The following FUT8 variants were observed in gnomAD, a reference collection of about 807,000 sequenced individuals.
FUT8 encodes alpha-(1,6)-fucosyltransferase.
FUT8 carries 29 observed loss-of-function variants against 71.3 expected under a neutral mutation model. The observed-to-expected ratio is 0.41, with a 90% CI of 0.30 to 0.55. The LOEUF is 0.55. Among genes scored for constraint, FUT8 ranks in the 20% least tolerant of loss-of-function variants. The pLI is 0.34. For synonymous variants in FUT8, 254 were observed against 239.3 expected (o/e 1.06, Z -0.57); for missense variants, 544 against 702.1 (o/e 0.77, Z 2.55).
At chr14:65,419,291 C>T (rs566809259) in intron 1 of FUT8, among the ~76,000 whole-genome samples, 1 of 151,962 alleles carries the variant, frequency 6.6e-6, no homozygotes, top group African/African-American at 2.4e-5. Context: ...AAAACAAAAA[C>T]AAATTCTAAC....
chr14:65,416,146 G>A (rs2139361449), intron 1 of FUT8, among the ~76,000 whole-genome samples: 1 of 151,952 alleles, frequency 6.6e-6, no homozygotes, highest in African/African-American at 2.4e-5. Flanking sequence ...TCTTGATTTA[G>A]TTAAATGGTG....
intron 6 of FUT8, among the ~76,000 whole-genome samples, chr14:65,649,738 A>G (rs1219857214): frequency 6.6e-6 from 1 of 152,252 alleles, no homozygotes; most frequent in Non-Finnish European, 1.5e-5. Context: ...TTAAATAAAA[A>G]GATATAATGA....
At chr14:65,503,911 C>T (rs1007190596) in intron 2 of FUT8, among the ~76,000 whole-genome samples, 1 of 152,164 alleles carries the variant, frequency 6.6e-6, no homozygotes, top group Non-Finnish European at 1.5e-5. Context: ...CATATGGAGA[C>T]CTTTGCGTGA....
At chr14:65,506,141 G>A (rs2066730297) in intron 2 of FUT8, among the ~76,000 whole-genome samples, 1 of 152,158 alleles carries the variant, frequency 6.6e-6, no homozygotes, top group South Asian at 2.1e-4. Flanking sequence ...TGCTTGCTAA[G>A]TTTGGAGGCT....
intron 2 of FUT8, among the ~76,000 whole-genome samples, chr14:65,555,057 G>A (rs569856742): frequency 3.0e-4 from 45 of 152,104 alleles, no homozygotes; most frequent in African/African-American, 9.4e-4. Context: ...GCCAAATCTG[G>A]TCCACAGCCC....
intron 7 of FUT8, among the ~76,000 whole-genome samples, chr14:65,706,905 G>A (rs996041912): frequency 2.6e-5 from 4 of 152,056 alleles, no homozygotes; most frequent in Non-Finnish European, 4.4e-5. Context: ...CATGTTGAAC[G>A]GGGCTAGTTT....
chr14:65,703,127 A>C (rs1894391617), intron 7 of FUT8, among the ~76,000 whole-genome samples: 1 of 152,240 alleles, frequency 6.6e-6, no homozygotes, highest in South Asian at 2.1e-4. Context: ...AGTTCTAAAG[A>C]AAGTTGTCAT....
chr14:65,609,906 T>G (rs1370129215), intron 3 of FUT8, among the ~76,000 whole-genome samples: 1 of 151,938 alleles, frequency 6.6e-6, no homozygotes, highest in Non-Finnish European at 1.5e-5. Context: ...GTTTTATAAT[T>G]TTAAATTTAT....
intron 3 of FUT8, among the ~76,000 whole-genome samples, chr14:65,614,709 T>G (rs904662189): frequency 1.3e-5 from 2 of 152,250 alleles, no homozygotes; most frequent in Non-Finnish European, 2.9e-5. Flanking sequence ...TAAAATCTTC[T>G]TCTACCTTCC....
At chr14:65,662,551 C>T (rs563680288) in intron 6 of FUT8, among the ~76,000 whole-genome samples, 7 of 152,118 alleles carry the variant, frequency 4.6e-5, no homozygotes, top group Non-Finnish European at 1.0e-4. Context: ...TATAAAGACT[C>T]GTGATTGAGC....
At chr14:65,482,567 T>G (rs2066347858) in intron 2 of FUT8, among the ~76,000 whole-genome samples, 1 of 152,202 alleles carries the variant, frequency 6.6e-6, no homozygotes, top group Admixed American at 6.5e-5. Flanking sequence ...GGATATTGTT[T>G]CTGTGCTGTG....
At chr14:65,740,163 A>G (rs928896462) in intron 10 of FUT8, among the ~76,000 whole-genome samples, 5 of 151,980 alleles carry the variant, frequency 3.3e-5, no homozygotes, top group Non-Finnish European at 1.5e-5. Context: ...AATGATCTCA[A>G]TTGTAAAATG....
At chr14:65,618,130 G>A (rs1051264154) in intron 5 of FUT8, among the ~76,000 whole-genome samples, 12 of 147,290 alleles carry the variant, frequency 8.1e-5, no homozygotes, top group African/African-American at 2.8e-4. Context: ...TTGAACTCCT[G>A]GTCTCCAGTG....
chr14:65,653,063 T>C (rs1176938104), intron 6 of FUT8, among the ~76,000 whole-genome samples: 2 of 152,242 alleles, frequency 1.3e-5, no homozygotes, highest in African/African-American at 2.4e-5. Flanking sequence ...GTCCTTGATA[T>C]AACCTAGCCT....
chr14:65,695,191 T>A (rs1217106458), intron 7 of FUT8, among the ~76,000 whole-genome samples: 1 of 152,224 alleles, frequency 6.6e-6, no homozygotes, highest in Non-Finnish European at 1.5e-5. Flanking sequence ...ATGGTGCTGC[T>A]CAGTTCAACT....
chr14:65,383,265 C>CTTTTTTTTTTTTTTTTTT, the FUT8 span, among the ~76,000 whole-genome samples: 46 of 86,534 alleles, frequency 5.3e-4, 1 homozygote, highest in African/African-American at 7.3e-4. Flanking sequence ...TTTTTCTTTT[C>CTTTTTTTTTTTTTTTTTT]TTTTTTTTTT....
chr14:65,549,514 A>T (rs74058512), intron 2 of FUT8, among the ~76,000 whole-genome samples: 1 of 152,192 alleles, frequency 6.6e-6, no homozygotes, highest in Non-Finnish European at 1.5e-5. Flanking sequence ...ATGGTTAAAC[A>T]TATTTTCAAT....
chr14:65,519,342 C>G (rs182777621), intron 2 of FUT8, among the ~76,000 whole-genome samples: 1 of 152,222 alleles, frequency 6.6e-6, no homozygotes, highest in East Asian at 1.9e-4. Flanking sequence ...GAAAGATGTT[C>G]TAATTTACCT....
At chr14:65,726,291 T>G (rs1424777559) in intron 9 of FUT8, among the ~76,000 whole-genome samples, 1 of 152,240 alleles carries the variant, frequency 6.6e-6, no homozygotes, top group African/African-American at 2.4e-5. Context: ...GCAAATTAAT[T>G]CATGCTCACT....
Sources: gnomAD v4.1 joint callset for allele counts (sites outside exome capture counted in the v4.1 genomes callset) on GRCh38, gnomAD v4.1.1 for gene constraint, MANE v1.5 for transcripts, NCBI Gene and HGNC (gene_info 2026-07-23, HGNC 2026-07-21) for gene names.